The following DFFA variants were observed in gnomAD, a reference collection of about 807,000 sequenced individuals.
The protein encoded by DFFA is DFF45.
DFFA carries 14 observed loss-of-function variants against 28.0 expected under a neutral mutation model. The ratio of observed to expected loss-of-function variants is 0.50; its 90% CI spans 0.33 to 0.78. The LOEUF (loss-of-function observed/expected upper bound fraction) is 0.78. Among genes scored for constraint, DFFA ranks in the 30% least tolerant of loss-of-function variants. DFFA has a pLI of 0.02. For missense variants in DFFA, 395 were observed against 407.1 expected, an observed-to-expected ratio of 0.97 and a Z score of 0.26; for synonymous variants, 158 against 170.3, an observed-to-expected ratio of 0.93 and a Z score of 0.56.
In DFFA at chr1:10,459,734, A is replaced by ATTTT. The variant is rs1557790586; in HGVS notation, c.*1755_*1756insAAAA. 4 of 151,716 alleles carry ATTTT rather than the reference A, an allele frequency of 2.6e-5. No individual in the cohort carries two copies. The highest frequency in any genetic ancestry group is 9.7e-5 in the African/African-American group (4 of 41,260). The allele number at this position is 151,716 out of a possible 1,614,324, so 9.4% of individuals were successfully genotyped here. A position where few individuals can be genotyped will look rare whatever the true frequency, so the allele number is the denominator to read the frequency against. On this transcript the variant is annotated 3_prime_UTR_variant, in exon 6 of 6. Transcript: ENST00000377038. Reference sequence around the variant, plus strand: ...GCCCTTGATGGTTACCTTTTTAAAAAAAAAAAAAAAAAAGTAGGGTCTTAC... The same window carrying ATTTT: ...GCCCTTGATGGTTACCTTTTTAAAAATTTTAAAAAAAAAAAAAGTAGGGTCTTAC...
In DFFA at chr1:10,472,522, T is replaced by C; in HGVS notation, c.-64A>G. ...CGGGAGGCCGGAGCGGCGGTCCTTC[T>C]ACTCGACCCCCTTCCGCAGCCTGCC... On this transcript the variant is annotated 5_prime_UTR_variant, in exon 1 of 6. Coordinates refer to ENST00000377038, the MANE Select transcript of DFFA (RefSeq NM_004401.3). The surrounding 1 kb of genome is among the most constrained non-coding windows in gnomAD (Gnocchi z 5.0). The C allele has an allele frequency of 2.0e-6, 3 of 1,524,912 alleles. No homozygotes were observed. The highest frequency in any genetic ancestry group is 2.7e-6 in the Non-Finnish European group (3 of 1,127,378). 94.5% of individuals were successfully genotyped at this position (1,524,912 alleles called of 1,614,324 possible). A position where few individuals can be genotyped will look rare whatever the true frequency, so the allele number is the denominator to read the frequency against.
intron 5 of DFFA, 56 bp downstream of exon 5, chr1:10,463,002 A>T (rs1217244897): frequency 2.9e-5 from 46 of 1,609,636 alleles, no homozygotes; most frequent in Non-Finnish European, 3.9e-5. Flanking sequence ...GCATGATACT[A>T]CTACATCCCA....
rs964481107 is a variant in DFFA, at chr1:10,459,785, G to A, written c.*1705C>T. 2 of 151,572 alleles carry A rather than the reference G, an allele frequency of 1.3e-5. No individual in the cohort carries two copies. Among genetic ancestry groups the A allele is most frequent in the Non-Finnish European group, 1.5e-5 (1 of 67,932 alleles). The allele number at this position is 151,572 out of a possible 1,614,324, so 9.4% of individuals were successfully genotyped here. The stretch of plus-strand genomic sequence containing the variant: ...TCTATCATCCAGGCTGGAGTATGGT[G>A]GCATGATCAGCCTTGAGCTCCTGGG... On this transcript the variant is annotated 3_prime_UTR_variant, in exon 6 of 6. Transcript: ENST00000377038.
intron 1 of DFFA, among the ~76,000 whole-genome samples, chr1:10,470,658 C>T (rs1479794603): frequency 1.3e-5 from 2 of 150,170 alleles, no homozygotes; most frequent in African/African-American, 2.4e-5. Context: ...ATCTCCTGAC[C>T]TCGTGATCCG....
rs1240673065 is a variant in DFFA, at chr1:10,457,093, G to T, written c.*4397C>A. ...ACTCTCCACTGTCTACTATATGTTA[G>T]GTACTAGGATTTTTCTCATTATAGC... On this transcript the variant is annotated 3_prime_UTR_variant, in exon 6 of 6. Transcript: ENST00000377038. 1 of 152,142 alleles carries T rather than the reference G, an allele frequency of 6.6e-6. No individual in the cohort carries two copies. Among genetic ancestry groups the T allele is most frequent in the Non-Finnish European group, 1.5e-5 (1 of 68,062 alleles). The allele number at this position is 152,142 out of a possible 1,614,324, so 9.4% of individuals were successfully genotyped here. A position where few individuals can be genotyped will look rare whatever the true frequency, so the allele number is the denominator to read the frequency against.
chr1:10,467,301 G>A lies in DFFA; in HGVS notation c.330C>T (p.Ser110=). 6.2e-7 allele frequency: 1 copy of A among 1,614,094 alleles called. No homozygotes were observed. Residue 110 remains serine, a synonymous_variant, in exon 3 of 6, where the codon TCC becomes TCT. Coordinates refer to ENST00000377038, the MANE Select transcript of DFFA (RefSeq NM_004401.3). ...CGCTGTCTGTTTCATCTACATCAAA[G>A]GACTCTTGGGAAATCCAAGCTGTAC... The part of the protein sequence containing the change: ...DGGTAWISQE[S]FDVDETDSGA...
rs78256349 is a variant in DFFA, at chr1:10,461,586, C to A, written c.900G>T (p.Thr300=). ...TGCTCCGGAGAGAATGCAAGCTCTG[C>A]GTCTGCTGCAGGCGCAGGGCGAGCT... The part of the protein sequence containing the change: ...ERELALRLQQ[T]QSLHSLRSIS... The change falls in exon 6 of 6, where the codon ACG becomes ACT. Residue 300 remains threonine (T), a synonymous_variant. Transcript: ENST00000377038. 918 of 1,614,236 alleles carry A rather than the reference C, an allele frequency of 5.7e-4. 1 individual carries two copies. The highest frequency in any genetic ancestry group is 7.6e-4 in the Non-Finnish European group (895 of 1,180,046).
chr1:10,469,974 C>T (rs1641073852), intron 1 of DFFA, among the ~76,000 whole-genome samples: 1 of 151,230 alleles, frequency 6.6e-6, no homozygotes, highest in Non-Finnish European at 1.5e-5. Context: ...GGCCACCGTG[C>T]CTGGCTAATT....
At chr1:10,465,409 G>A (rs1414531728) in intron 3 of DFFA, among the ~76,000 whole-genome samples, 1 of 152,168 alleles carries the variant, frequency 6.6e-6, no homozygotes, top group African/African-American at 2.4e-5. Context: ...GGGATTACAG[G>A]TGCTTGCCGC....
intron 5 of DFFA, chr1:10,462,832 C>A: frequency 7.2e-7 from 1 of 1,385,270 alleles, no homozygotes; most frequent in Non-Finnish European, 9.4e-7. Flanking sequence ...AACCTTGGAC[C>A]AGAGTCTGTT....
chr1:10,467,858 GA>G (rs1454969211), intron 2 of DFFA, among the ~76,000 whole-genome samples: 1 of 152,082 alleles, frequency 6.6e-6, no homozygotes, highest in Admixed American at 6.6e-5. Context: ...TTCTTCCATA[GA>G]AAAAGCCATT....
At chr1:10,469,443 G>A in intron 1 of DFFA, 105 bp from the exon 2 acceptor site, 1 of 943,032 alleles carries the variant, frequency 1.1e-6, no homozygotes, top group Non-Finnish European at 1.6e-6. Flanking sequence ...AGAACTCCTG[G>A]TAGGTAATAA....
Position 10,456,811 on chromosome 1 carries a change from GCTTT to G in DFFA, c.*4675_*4678del, listed in dbSNP as rs767533557. On this transcript the variant is annotated 3_prime_UTR_variant, in exon 6 of 6. Transcript: ENST00000377038. Reference sequence around the variant, plus strand: ...AATGTAAAGTTCATTAGTCCCAGCTGCTTTCTTTGACATTCTTTTCTTCTACCAC... The same window carrying G: ...AATGTAAAGTTCATTAGTCCCAGCTGCTTTGACATTCTTTTCTTCTACCAC... The G allele has an allele frequency of 1.3e-5, 2 of 152,180 alleles. No homozygotes were observed. Among genetic ancestry groups the G allele is most frequent in the African/African-American group, 4.8e-5 (2 of 41,448 alleles). The allele number at this position is 152,180 out of a possible 1,614,324, so 9.4% of individuals were successfully genotyped here. A position where few individuals can be genotyped will look rare whatever the true frequency, so the allele number is the denominator to read the frequency against.
chr1:10,460,736 G>GC lies in DFFA; in HGVS notation c.*753dup, dbSNP rs1640918078. 6.6e-6 allele frequency: 1 copy of GC among 151,110 alleles called. No homozygotes were observed. Among genetic ancestry groups the GC allele is most frequent in the South Asian group, 2.1e-4 (1 of 4,756 alleles). The allele number at this position is 151,110 out of a possible 1,614,324, so 9.4% of individuals were successfully genotyped here. A position where few individuals can be genotyped will look rare whatever the true frequency, so the allele number is the denominator to read the frequency against. Reference sequence around the variant, plus strand: ...AGTAAAAACACGTTTCACTGTGTTAGCCAGGATGGTCTCGATCTCCTGACC... The same window carrying GC: ...AGTAAAAACACGTTTCACTGTGTTAGCCCAGGATGGTCTCGATCTCCTGACC... On this transcript the variant is annotated 3_prime_UTR_variant, in exon 6 of 6. Transcript: ENST00000377038.
chr1:10,470,719 C>A (rs1474893952), intron 1 of DFFA, among the ~76,000 whole-genome samples: 1 of 149,654 alleles, frequency 6.7e-6, no homozygotes, highest in Non-Finnish European at 1.5e-5. Flanking sequence ...GCCACCGGAC[C>A]CGGCCCTCAG....
At position 10,457,398 on chromosome 1, in the gene DFFA, G is replaced by A. The variant is rs72869112; in HGVS notation, c.*4092C>T. ...ATGTGGTACTTCATTTAGGCCAGGC[G>A]TGGTGGCTCACCACCTATACTCCCA... On this transcript the variant is annotated 3_prime_UTR_variant, in exon 6 of 6. Coordinates refer to ENST00000377038, the MANE Select transcript of DFFA (RefSeq NM_004401.3). The A allele has an allele frequency of 0.048, 7,324 of 152,284 alleles. 569 individuals are homozygous for A. Among genetic ancestry groups the A allele is most frequent in the African/African-American group, 0.16 (6,785 of 41,510 alleles). 9.4% of individuals were successfully genotyped at this position (152,284 alleles called of 1,614,324 possible).
chr1:10,464,457 A>G (rs147203929), intron 3 of DFFA, among the ~76,000 whole-genome samples: 346 of 152,286 alleles, frequency 2.3e-3, no homozygotes, highest in Admixed American at 4.8e-3. Context: ...GCTTACACCT[A>G]TAATCCCAGC....
Position 10,472,302 on chromosome 1 carries a change from CG to C in DFFA, c.136+20del, listed in dbSNP as rs1195179151. On this transcript the variant is annotated intron_variant, in intron 1 of 5. Coordinates refer to ENST00000377038, the MANE Select transcript of DFFA (RefSeq NM_004401.3). This position sits in a 1 kb window ranked among gnomAD's most constrained non-coding sequence, Gnocchi z 5.0. ...CCCGGCCCTGGCTCCCCCACACCCTCGCCCGGGGTCCCGAGCCAACCCTTGC... is the reference window on the plus strand; with the variant it reads ...CCCGGCCCTGGCTCCCCCACACCCTCCCCGGGGTCCCGAGCCAACCCTTGC... The C allele has an allele frequency of 1.3e-6, 2 of 1,564,318 alleles. No individual in the cohort carries two copies. The highest frequency in any genetic ancestry group is 3.6e-5 in the Admixed American group (2 of 55,674).
At position 10,472,527 on chromosome 1, in the gene DFFA, G is replaced by A; in HGVS notation, c.-69C>T. ...GGCCGGAGCGGCGGTCCTTCTACTC[G>A]ACCCCCTTCCGCAGCCTGCCGGGAG... On this transcript the variant is annotated 5_prime_UTR_variant, in exon 1 of 6. Transcript: ENST00000377038. The surrounding 1 kb of genome is among the most constrained non-coding windows in gnomAD (Gnocchi z 5.0). 6.6e-7 allele frequency: 1 copy of A among 1,511,070 alleles called. No homozygotes were observed. The allele number at this position is 1,511,070 out of a possible 1,614,324, so 93.6% of individuals were successfully genotyped here.
Sources: allele counts gnomAD v4.1 joint callset (sites outside exome capture counted in the v4.1 genomes callset), GRCh38; gene constraint gnomAD v4.1.1; non-coding constraint Gnocchi (gnomAD v3.1); transcripts MANE v1.5; gene names NCBI Gene and HGNC (gene_info 2026-07-23, HGNC 2026-07-21).